The following EPB41 variants were observed in gnomAD, a reference collection of about 807,000 sequenced individuals.
EPB41 encodes the protein erythrocyte membrane protein band 4.1.
Under a neutral mutation model 108.0 loss-of-function variants are expected in EPB41, and 65 were observed. The ratio of observed to expected loss-of-function variants is 0.60; its 90% CI spans 0.49 to 0.74. The LOEUF (loss-of-function observed/expected upper bound fraction) is 0.74, where lower values mean the gene tolerates loss of function less well. Among genes scored for constraint, EPB41 ranks in the 30% least tolerant of loss-of-function variants. The pLI is 0.00. For synonymous variants in EPB41, 336 were observed against 358.9 expected, an observed-to-expected ratio of 0.94 and a Z score of 0.72; for missense variants, 875 against 1,037.0, an observed-to-expected ratio of 0.84 and a Z score of 2.15.
At chr1:29,036,547 C>A (rs752982260) in intron 10 of EPB41, among the ~76,000 whole-genome samples, 2 of 152,098 alleles carry the variant, frequency 1.3e-5, no homozygotes, top group African/African-American at 4.8e-5. Flanking sequence ...AGGCATGAAC[C>A]ACTGTGCCCG....
chr1:28,928,492 A>G (rs1255340410), intron 1 of EPB41, among the ~76,000 whole-genome samples: 1 of 152,218 alleles, frequency 6.6e-6, no homozygotes, highest in Non-Finnish European at 1.5e-5. Context: ...GTGTTGGGTT[A>G]GAGGTAGGGA....
intron 1 of EPB41, among the ~76,000 whole-genome samples, chr1:28,944,821 T>G (rs973800310): frequency 1.3e-5 from 2 of 151,176 alleles, no homozygotes; most frequent in Non-Finnish European, 3.0e-5. Context: ...AGGTGTGTAA[T>G]GTAATGCCTG....
chr1:28,962,019 T>G (rs2095230513), intron 1 of EPB41, among the ~76,000 whole-genome samples: 1 of 152,136 alleles, frequency 6.6e-6, no homozygotes, highest in African/African-American at 2.4e-5. Flanking sequence ...ATATTGGATT[T>G]TTTTTTTAAT....
intron 1 of EPB41, among the ~76,000 whole-genome samples, chr1:28,947,411 A>C (rs1226156951): frequency 3.6e-4 from 2 of 5,574 alleles, no homozygotes; most frequent in Non-Finnish European, 5.5e-4. Context: ...CGTCTCAGAC[A>C]AACAAACAAA....
At chr1:29,020,479 T>C (rs1452951543) in intron 7 of EPB41, among the ~76,000 whole-genome samples, 1 of 152,168 alleles carries the variant, frequency 6.6e-6, no homozygotes, top group Non-Finnish European at 1.5e-5. Flanking sequence ...AATTAGAATG[T>C]CAATACTGTA....
intron 1 of EPB41, among the ~76,000 whole-genome samples, chr1:28,916,648 C>T (rs2092694943): frequency 6.6e-6 from 1 of 152,184 alleles, no homozygotes. Flanking sequence ...AAAAGGTGAA[C>T]TCATTGTTGA....
chr1:29,006,275 C>T (rs560155275), intron 4 of EPB41, among the ~76,000 whole-genome samples: 134 of 138,004 alleles, frequency 9.7e-4, no homozygotes, highest in Non-Finnish European at 1.5e-3. Flanking sequence ...CTCGCTCTGT[C>T]GCCTAGGCTG....
Position 28,887,886 on chromosome 1 carries a change from C to T in EPB41, c.-8+676C>T, listed in dbSNP as rs1408152069. Among the ~76,000 whole-genome samples, 2 of 152,256 alleles carry T rather than the reference C, an allele frequency of 1.3e-5. No homozygotes were observed. Among genetic ancestry groups the T allele is most frequent in the South Asian group, 4.1e-4 (2 of 4,834 alleles). The stretch of plus-strand genomic sequence containing the variant: ...TCCGGTTCAGGCTCAGGTTCCCTCT[C>T]ATCTCTGGGTTCCCTGTATCTCTCA... On this transcript the variant is annotated intron_variant, in intron 1 of 16. Transcript: ENST00000347529. This position sits in a 1 kb window ranked among gnomAD's most constrained non-coding sequence, Gnocchi z 4.9.
intron 20 of EPB41, among the ~76,000 whole-genome samples, chr1:29,116,516 G>A (rs901131991): frequency 3.9e-5 from 6 of 152,180 alleles, no homozygotes; most frequent in African/African-American, 1.4e-4. Context: ...AAGAAGAGCA[G>A]GATCAGGCTG....
chr1:29,103,213 C>A (rs778198410), intron 17 of EPB41, among the ~76,000 whole-genome samples: 1 of 152,172 alleles, frequency 6.6e-6, no homozygotes, highest in Non-Finnish European at 1.5e-5. Context: ...CCTGCGCCCC[C>A]AAAATTTAAA....
At chr1:29,085,063 T>C (rs542388419) in intron 16 of EPB41, among the ~76,000 whole-genome samples, 1 of 152,284 alleles carries the variant, frequency 6.6e-6, no homozygotes, top group African/African-American at 2.4e-5. Context: ...TGAATTGTGA[T>C]GTGATAGAAT....
intron 1 of EPB41, among the ~76,000 whole-genome samples, chr1:28,972,667 A>T (rs972819903): frequency 6.6e-6 from 1 of 151,616 alleles, no homozygotes; most frequent in Non-Finnish European, 1.5e-5. Context: ...TAGTGTGATC[A>T]TGATTCACCG....
At chr1:29,039,447 A>G in intron 11 of EPB41, 21 bp downstream of exon 11, 1 of 1,612,576 alleles carries the variant, frequency 6.2e-7, no homozygotes, top group South Asian at 1.1e-5. Context: ...AATATTAATG[A>G]TTTCTTGTGA....
intron 2 of EPB41, chr1:28,989,297 A>C (rs2095949981): frequency 2.9e-6 from 2 of 698,754 alleles, no homozygotes; most frequent in African/African-American, 3.9e-5. Flanking sequence ...GTCCCAAAAA[A>C]TGGGAAAACA....
intron 16 of EPB41, among the ~76,000 whole-genome samples, chr1:29,087,364 A>T (rs1659485116): frequency 6.6e-6 from 1 of 151,280 alleles, no homozygotes; most frequent in African/African-American, 2.4e-5. Flanking sequence ...AAACACCCAT[A>T]TCCTGCTTTT....
At chr1:29,005,047 A>G (rs1347090862) in intron 4 of EPB41, among the ~76,000 whole-genome samples, 7 of 152,132 alleles carry the variant, frequency 4.6e-5, no homozygotes, top group Non-Finnish European at 1.0e-4. Flanking sequence ...CGAAGATATG[A>G]AAGGTGTTAG....
intron 12 of EPB41, among the ~76,000 whole-genome samples, chr1:29,054,723 A>G (rs984182285): frequency 6.6e-6 from 1 of 152,152 alleles, no homozygotes; most frequent in African/African-American, 2.4e-5. Flanking sequence ...GGTGACGCAC[A>G]TCTGTAGTCC....
intron 17 of EPB41, among the ~76,000 whole-genome samples, chr1:29,098,742 T>G (rs930547714): frequency 6.6e-6 from 1 of 151,772 alleles, no homozygotes; most frequent in African/African-American, 2.4e-5. Context: ...GTTTTTTGTT[T>G]GTTTGTTTGT....
At chr1:28,950,918 C>G (rs1571246041) in intron 1 of EPB41, among the ~76,000 whole-genome samples, 2 of 152,140 alleles carry the variant, frequency 1.3e-5, no homozygotes, top group Non-Finnish European at 2.9e-5. Flanking sequence ...TCACTGCAAC[C>G]TCTGCCTCCC....
Sources: allele counts gnomAD v4.1 joint callset (sites outside exome capture counted in the v4.1 genomes callset), GRCh38; gene constraint gnomAD v4.1.1; non-coding constraint Gnocchi (gnomAD v3.1); transcripts MANE v1.5; gene names NCBI Gene and HGNC (gene_info 2026-07-23, HGNC 2026-07-21).